Variants in AKAP12 observed in about 807,000 individuals in gnomAD.
AKAP12 encodes the protein A-kinase anchoring protein 12, also known as A-kinase anchor protein 12.
AKAP12 carries 32 observed loss-of-function variants against 79.9 expected under a neutral mutation model. The observed-to-expected ratio is 0.40, with a 90% CI of 0.30 to 0.54. The LOEUF is 0.54. Ranked by LOEUF, AKAP12 falls within the 20% of genes least tolerant of loss-of-function variation. The pLI, the probability that AKAP12 is intolerant of heterozygous loss-of-function variation, is 0.48. For missense variants in AKAP12, 2,074 were observed against 2,177.0 expected (o/e 0.95, Z 0.94); for synonymous variants, 808 against 857.0 (o/e 0.94, Z 1.00).
chr6:151,253,661 G>C (rs1214815501), intron 2 of AKAP12, among the ~76,000 whole-genome samples: 1 of 152,102 alleles, frequency 6.6e-6, no homozygotes, highest in Non-Finnish European at 1.5e-5. Flanking sequence ...TAGGATTGTA[G>C]TCTACAAGAG....
At chr6:151,301,013 C>T (rs1335242645) in intron 2 of AKAP12, among the ~76,000 whole-genome samples, 2 of 152,122 alleles carry the variant, frequency 1.3e-5, no homozygotes, top group African/African-American at 4.8e-5. Context: ...GAGGAAGCTT[C>T]GGAGTGGAAA....
chr6:151,348,655 TG>T (rs1159219336), intron 3 of AKAP12, 55 bp from the exon 4 acceptor site: 2 of 1,248,820 alleles, frequency 1.6e-6, no homozygotes, highest in African/African-American at 3.0e-5. Context: ...ACAATTTTCT[TG>T]TATTGTAATC....
At chr6:151,260,807 A>G (rs948852408) in intron 2 of AKAP12, among the ~76,000 whole-genome samples, 1 of 152,008 alleles carries the variant, frequency 6.6e-6, no homozygotes, top group Non-Finnish European at 1.5e-5. Context: ...CAACCTAGCC[A>G]ATATGTGAAA....
Position 151,350,844 on chromosome 6 carries a change from G to A in AKAP12, c.2453G>A (p.Arg818Lys), listed in dbSNP as rs1291478736. 1 of 1,614,122 alleles carries A rather than the reference G, an allele frequency of 6.2e-7. No individual in the cohort carries two copies. Among genetic ancestry groups the A allele is most frequent in the Non-Finnish European group, 8.5e-7 (1 of 1,180,030 alleles). Residue 818 changes from arginine to lysine, a missense_variant, in exon 4 of 5, where the codon AGG (arginine) becomes AAG (lysine). By Grantham distance (26) the Arg-to-Lys change is conservative. This residue lies in a region of AKAP12 where 1,428 missense variants were observed against 1,451.0 expected (regional missense o/e 0.98). Coordinates refer to ENST00000402676, the MANE Select transcript of AKAP12 (RefSeq NM_005100.4). This position sits in a 1 kb window ranked among gnomAD's most constrained non-coding sequence, Gnocchi z 4.8. ...KKFIPGRRKK[R>K]PDGKQEQAPV... Reference sequence around the variant, plus strand: ...TTTATTCCTGGACGAAGGAAGAAAAGGCCAGATGGGAAACAAGAACAAGCC... The same window carrying A: ...TTTATTCCTGGACGAAGGAAGAAAAAGCCAGATGGGAAACAAGAACAAGCC...
At position 151,353,087 on chromosome 6, in the gene AKAP12, G is replaced by GA; in HGVS notation, c.4699dup (p.Thr1567AsnfsTer9). On this transcript the variant is annotated frameshift_variant, in exon 4 of 5. Coordinates refer to ENST00000402676, the MANE Select transcript of AKAP12 (RefSeq NM_005100.4). LOFTEE classifies it low-confidence loss of function (END_TRUNC). ...CGTTGACCAGTTTGTACGTACAGAA[G>GA]AAACAGCCACCGAAATGTTGACGTC... is the stretch of plus-strand genomic sequence containing the variant. The GA allele has an allele frequency of 6.2e-7, 1 of 1,614,180 alleles. No individual in the cohort carries two copies. Among genetic ancestry groups the GA allele is most frequent in the Non-Finnish European group, 8.5e-7 (1 of 1,180,052 alleles).
At chr6:151,283,832 C>T (rs1225041167) in intron 2 of AKAP12, among the ~76,000 whole-genome samples, 4 of 152,280 alleles carry the variant, frequency 2.6e-5, no homozygotes, top group South Asian at 4.1e-4. Context: ...ATTCTTTTTC[C>T]GTTGGCAAGT....
chr6:151,328,457 T>A (rs1777588666), intron 3 of AKAP12, among the ~76,000 whole-genome samples: 1 of 151,510 alleles, frequency 6.6e-6, no homozygotes, highest in African/African-American at 2.4e-5. Context: ...ACCAACATGG[T>A]GAAACCCCGT....
chr6:151,240,623 A>T lies in AKAP12; in HGVS notation c.61A>T (p.Thr21Ser). 2.2e-6 allele frequency: 3 copies of T among 1,389,130 alleles called. No individual in the cohort carries two copies. Among genetic ancestry groups the T allele is most frequent in the Non-Finnish European group, 1.9e-6 (2 of 1,074,690 alleles). The allele number at this position is 1,389,130 out of a possible 1,614,324, so 86.1% of individuals were successfully genotyped here. A position where few individuals can be genotyped will look rare whatever the true frequency, so the allele number is the denominator to read the frequency against. The stretch of plus-strand genomic sequence containing the variant: ...GGAGCAGCCGCCCGAGGGGAGCTCC[A>T]CGCCGGCTGAGCCCGAGCCCAGCGG... ...SPEQPPEGSS[T>S]PAEPEPSGGG... Residue 21 changes from threonine (T) to serine (S), a missense_variant, in exon 2 of 5, where the codon ACG becomes TCG. By Grantham distance (58) the Thr-to-Ser change is moderately conservative. This residue lies in a region of AKAP12 where 1,428 missense variants were observed against 1,451.0 expected (regional missense o/e 0.98). Coordinates refer to ENST00000402676, the MANE Select transcript of AKAP12 (RefSeq NM_005100.4).
At chr6:151,345,932 T>TGTGAGAGAGAGAGAGAGAGAGAGAGAGA (rs1349850485) in intron 3 of AKAP12, among the ~76,000 whole-genome samples, 8 of 101,440 alleles carry the variant, frequency 7.9e-5, no homozygotes, top group African/African-American at 3.0e-4. Flanking sequence ...TGTGTGTGTG[T>TGTGAGAGAGAGAGAGAGAGAGAGAGAGA]GAGAGAGAGA....
At chr6:151,240,753 G>A (rs1046818707) in intron 2 of AKAP12, 29 bp downstream of exon 2, 25 of 1,244,490 alleles carry the variant, frequency 2.0e-5, no homozygotes, top group Middle Eastern at 3.1e-4. Flanking sequence ...ACCTGCGCCG[G>A]GAGGCGCGGG....
chr6:151,333,372 TATAATGCATTTA>T (rs938921646), intron 3 of AKAP12, among the ~76,000 whole-genome samples: 3 of 152,284 alleles, frequency 2.0e-5, no homozygotes, highest in Admixed American at 1.3e-4. Flanking sequence ...TAGGCTATTT[TATAATGCATTTA>T]ACAGCCTCCC....
chr6:151,352,184 C>G lies in AKAP12; in HGVS notation c.3793C>G (p.Gln1265Glu), dbSNP rs763062253. 1.9e-6 allele frequency: 3 copies of G among 1,614,124 alleles called. No individual in the cohort carries two copies. Among genetic ancestry groups the G allele is most frequent in the Non-Finnish European group, 1.7e-6 (2 of 1,180,036 alleles). The change falls in exon 4 of 5, where the codon CAA becomes GAA. Residue 1265 changes from glutamine (Q) to glutamate (E), a missense_variant. Around this residue, in one of 3 missense-constraint regions of AKAP12, gnomAD observed 614 missense variants for 665.6 expected, o/e 0.92. Transcript: ENST00000402676. ...VSILSKTEGT[Q>E]EADQYADEKT... is the part of the protein sequence containing the mutation. ...CATTCTGTCAAAGACTGAGGGGACT[C>G]AAGAGGCTGACCAGTATGCTGATGA...
Position 151,350,034 on chromosome 6 carries a change from C to T in AKAP12, c.1643C>T (p.Thr548Ile). The change falls in exon 4 of 5, where the codon ACT becomes ATT. Residue 548 changes from threonine to isoleucine, a missense_variant. Physicochemically the swap from Thr to Ile is moderately conservative, Grantham distance 89 (BLOSUM62 -1). Transcript: ENST00000402676. The surrounding 1 kb of genome is among the most constrained non-coding windows in gnomAD (Gnocchi z 4.8). The stretch of plus-strand genomic sequence containing the variant: ...GGAGACGAGGAATCAGGGGAGCACA[C>T]TCAGGTTCCAGCCGATTCTCCGGAC... ...GGGDEESGEH[T>I]QVPADSPDSQ... is the part of the protein sequence containing the mutation. 1 of 1,613,998 alleles carries T rather than the reference C, an allele frequency of 6.2e-7. No individual in the cohort carries two copies. The highest frequency in any genetic ancestry group is 1.1e-5 in the South Asian group (1 of 91,048).
intron 2 of AKAP12, among the ~76,000 whole-genome samples, chr6:151,276,679 C>G: frequency 6.6e-6 from 1 of 152,330 alleles, no homozygotes; most frequent in East Asian, 1.9e-4. Context: ...TCCAGGAGCA[C>G]AAAACACTAG....
At chr6:151,275,061 G>T (rs150268300) in intron 2 of AKAP12, among the ~76,000 whole-genome samples, 3 of 152,026 alleles carry the variant, frequency 2.0e-5, no homozygotes, top group Admixed American at 1.3e-4. Context: ...CCGTGATCGC[G>T]CCACTGCACT....
chr6:151,329,879 C>T (rs1489060826), intron 3 of AKAP12, among the ~76,000 whole-genome samples: 2 of 152,184 alleles, frequency 1.3e-5, no homozygotes, highest in East Asian at 1.9e-4. Flanking sequence ...TTGATAATTA[C>T]CCAAGGTTTC....
chr6:151,299,235 C>T (rs2114747135), intron 2 of AKAP12, among the ~76,000 whole-genome samples: 1 of 152,284 alleles, frequency 6.6e-6, no homozygotes, highest in East Asian at 1.9e-4. Context: ...GGAGTTAAAG[C>T]TCCAGCAGTG....
intron 2 of AKAP12, among the ~76,000 whole-genome samples, chr6:151,273,959 G>A (rs1776241795): frequency 6.6e-6 from 1 of 152,070 alleles, no homozygotes; most frequent in Non-Finnish European, 1.5e-5. Context: ...AACCCAGGAG[G>A]TGGAGGTTGC....
At chr6:151,263,062 G>A (rs1797469107) in intron 2 of AKAP12, among the ~76,000 whole-genome samples, 1 of 152,076 alleles carries the variant, frequency 6.6e-6, no homozygotes, top group African/African-American at 2.4e-5. Context: ...TTTTATAGAT[G>A]GGTGTCACTC....
Sources: gnomAD v4.1 joint callset for allele counts (sites outside exome capture counted in the v4.1 genomes callset) on GRCh38, gnomAD v4.1.1 for gene constraint, gnomAD v4.1.1 regional missense constraint, Gnocchi (gnomAD v3.1) non-coding constraint, MANE v1.5 for transcripts, NCBI Gene and HGNC (gene_info 2026-07-23, HGNC 2026-07-21) for gene names.